Variants in RBFOX1 observed in about 807,000 individuals in gnomAD.
The protein encoded by RBFOX1 is RNA binding protein fox-1 homolog 1.
RBFOX1 carries 8 observed loss-of-function variants against 57.7 expected under a neutral mutation model. That is an observed-to-expected ratio of 0.14 (90% CI 0.08 to 0.25). The LOEUF (loss-of-function observed/expected upper bound fraction) is 0.25. Among genes scored for constraint, RBFOX1 ranks in the 10% least tolerant of loss-of-function variants. RBFOX1 has a pLI of 1.00. For missense variants in RBFOX1, 611 were observed against 548.5 expected (o/e 1.11, Z -1.14); for synonymous variants, 326 against 222.4 (o/e 1.47, Z -4.15).
chr16:6,505,235 T>C (rs2153191113), intron 2 of RBFOX1, among the ~76,000 whole-genome samples: 1 of 152,340 alleles, frequency 6.6e-6, no homozygotes, highest in Non-Finnish European at 1.5e-5. Context: ...TTTATGTAGT[T>C]GTCACTTTCA....
intron 3 of RBFOX1, among the ~76,000 whole-genome samples, chr16:6,717,591 T>G (rs2065081907): frequency 6.6e-6 from 1 of 152,074 alleles, no homozygotes; most frequent in Admixed American, 6.6e-5. Context: ...GTCTTTTTTT[T>G]TTTTTTACCC....
intron 1 of RBFOX1, among the ~76,000 whole-genome samples, chr16:5,420,030 G>T (rs1186654725): frequency 6.6e-6 from 1 of 152,112 alleles, no homozygotes; most frequent in African/African-American, 2.4e-5. Flanking sequence ...TGGGAAGAGA[G>T]TCCAACTGAG....
chr16:6,205,467 G>A lies in RBFOX1; in HGVS notation c.-126-111528G>A, dbSNP rs995866673. 7.2e-5 allele frequency among the ~76,000 whole-genome samples: 11 copies of A among 152,204 alleles called. No homozygotes were observed. The South Asian group carries it at 1.2e-3, about 17-fold the overall frequency. The stretch of plus-strand genomic sequence containing the variant: ...TAGGGGAAGCACACTTCTTCTCTGC[G>A]TCTGCTTCTGCTGCCATGTTTATAA... On this transcript the variant is annotated intron_variant, in intron 1 of 15. Transcript: ENST00000550418.
intron 5 of RBFOX1, among the ~76,000 whole-genome samples, chr16:7,556,294 G>C (rs13333829): frequency 0.046 from 7,068 of 152,184 alleles, 377 homozygotes; most frequent in African/African-American, 0.13. Flanking sequence ...TCTGTTTCTT[G>C]TACACCAGAT....
intron 1 of RBFOX1, among the ~76,000 whole-genome samples, chr16:5,363,087 G>A (rs916005260): frequency 6.3e-5 from 9 of 143,514 alleles, no homozygotes; most frequent in East Asian, 2.1e-4. Context: ...AGGCTGGAGC[G>A]CAGTGGTGTG....
chr16:6,478,423 ATATATATTT>A (rs1173178324), intron 2 of RBFOX1, among the ~76,000 whole-genome samples: 12 of 11,998 alleles, frequency 1.0e-3, no homozygotes, highest in South Asian at 0.015. Flanking sequence ...ATATATATAT[ATATATATTT>A]TTTTTTTTTT....
intron 3 of RBFOX1, among the ~76,000 whole-genome samples, chr16:6,708,355 C>G (rs1298307793): frequency 6.6e-6 from 1 of 152,094 alleles, no homozygotes; most frequent in Admixed American, 6.6e-5. Context: ...TTGAGACCAT[C>G]TTCTGTTTTC....
Position 6,764,716 on chromosome 16 carries a change from C to T in RBFOX1, c.-16+110066C>T, listed in dbSNP as rs892886655. On this transcript the variant is annotated intron_variant, in intron 3 of 15. Transcript: ENST00000550418. ...CTTTTGGAGGCTGAGGCGGGTAGGT[C>T]ACTTGAGGTCAGGTGTACGAGACCA... is the stretch of plus-strand genomic sequence containing the variant. Among the ~76,000 whole-genome samples the T allele has an allele frequency of 5.3e-5, 8 of 152,082 alleles. No individual in the cohort carries two copies. The East Asian group carries it at 1.2e-3, about 22-fold the overall frequency.
intron 4 of RBFOX1, among the ~76,000 whole-genome samples, chr16:7,464,007 T>A (rs2060037934): frequency 6.6e-6 from 1 of 152,242 alleles, no homozygotes; most frequent in Non-Finnish European, 1.5e-5. Flanking sequence ...GCTGAGACCC[T>A]AGCCAGGAGG....
chr16:5,433,838 C>G (rs577361955), intron 1 of RBFOX1, among the ~76,000 whole-genome samples: 18 of 152,224 alleles, frequency 1.2e-4, no homozygotes, highest in African/African-American at 4.3e-4. Context: ...AGTAAGCGCT[C>G]AATACATGGT....
intron 4 of RBFOX1, among the ~76,000 whole-genome samples, chr16:7,404,412 C>T (rs1597573607): frequency 6.6e-6 from 1 of 152,154 alleles, no homozygotes; most frequent in Non-Finnish European, 1.5e-5. Flanking sequence ...GACAGGCCTC[C>T]AAGCTTCTGA....
At chr16:6,621,590 T>C (rs1466829946) in intron 2 of RBFOX1, among the ~76,000 whole-genome samples, 1 of 152,288 alleles carries the variant, frequency 6.6e-6, no homozygotes, top group East Asian at 1.9e-4. Flanking sequence ...AAGGTCACAT[T>C]CTCAGGTACC....
chr16:7,059,892 A>G (rs1264017585), intron 4 of RBFOX1, among the ~76,000 whole-genome samples: 1 of 152,192 alleles, frequency 6.6e-6, no homozygotes, highest in Non-Finnish European at 1.5e-5. Flanking sequence ...CAGTAAGAAA[A>G]AGAGCTGTTT....
chr16:5,311,791 A>T (rs2064096961), intron 1 of RBFOX1, among the ~76,000 whole-genome samples: 1 of 152,170 alleles, frequency 6.6e-6, no homozygotes, highest in African/African-American at 2.4e-5. Context: ...GTAGGGAATA[A>T]TTACAGATGC....
chr16:7,018,197 A>G (rs576892765), intron 3 of RBFOX1, among the ~76,000 whole-genome samples: 2 of 152,258 alleles, frequency 1.3e-5, no homozygotes, highest in African/African-American at 4.8e-5. Context: ...GGATCCTGCA[A>G]GTTAGTAACT....
chr16:6,521,353 C>G (rs2096493381), intron 2 of RBFOX1, among the ~76,000 whole-genome samples: 1 of 152,024 alleles, frequency 6.6e-6, no homozygotes, highest in South Asian at 2.1e-4. Context: ...AATTGCATTT[C>G]TCCTCCTCAT....
intron 1 of RBFOX1, among the ~76,000 whole-genome samples, chr16:5,399,538 A>G (rs74528723): frequency 1.9e-4 from 29 of 152,178 alleles, no homozygotes; most frequent in Admixed American, 6.5e-4. Context: ...AATTGGATCA[A>G]TGCCATCCTG....
At chr16:7,591,414 T>G (rs1033961701) in intron 7 of RBFOX1, among the ~76,000 whole-genome samples, 4 of 152,208 alleles carry the variant, frequency 2.6e-5, no homozygotes, top group South Asian at 2.1e-4. Flanking sequence ...TATAAAATGG[T>G]GTATTTGCAT....
intron 3 of RBFOX1, among the ~76,000 whole-genome samples, chr16:5,745,290 G>A (rs1474847422): frequency 6.6e-6 from 1 of 152,184 alleles, no homozygotes; most frequent in African/African-American, 2.4e-5. Flanking sequence ...TTTTATGGCT[G>A]CATAGTATCC....
Sources: allele counts gnomAD v4.1 joint callset (sites outside exome capture counted in the v4.1 genomes callset), GRCh38; gene constraint gnomAD v4.1.1; transcripts MANE v1.5; gene names NCBI Gene and HGNC (gene_info 2026-07-23, HGNC 2026-07-21).